EFEMP1: variants seen among roughly 807,000 people sequenced by gnomAD.
EFEMP1 encodes EGF-like fibulin extracellular matrix protein 1.
In EFEMP1, 18 loss-of-function variants were observed where a neutral mutation model predicts 65.7. That is an observed-to-expected ratio of 0.27 (90% CI 0.19 to 0.41). The LOEUF (loss-of-function observed/expected upper bound fraction) is 0.41, where lower values mean the gene tolerates loss of function less well. Among genes scored for constraint, EFEMP1 ranks in the 10% least tolerant of loss-of-function variants. EFEMP1 has a pLI of 1.00. For synonymous variants in EFEMP1, 237 were observed against 219.7 expected (o/e 1.08, Z -0.70); for missense variants, 469 against 624.8 (o/e 0.75, Z 2.66).
intron 5 of EFEMP1, among the ~76,000 whole-genome samples, chr2:55,892,231 A>G (rs1669652390): frequency 6.6e-6 from 1 of 152,184 alleles, no homozygotes; most frequent in Non-Finnish European, 1.5e-5. Flanking sequence ...GGGGACAGAA[A>G]TAAGTTTCTC....
chr2:55,876,798 A>G, intron 7 of EFEMP1, 56 bp from the exon 8 acceptor site: 1 of 1,074,138 alleles, frequency 9.3e-7, no homozygotes, highest in Non-Finnish European at 1.3e-6. Flanking sequence ...ACACACACAT[A>G]TATATATAGA....
Position 55,922,083 on chromosome 2 carries a change from C to A in EFEMP1, c.81+277G>T, listed in dbSNP as rs981939894. The A allele has an allele frequency of 7.4e-6, 3 of 407,284 alleles. No individual in the cohort carries two copies. Among genetic ancestry groups the A allele is most frequent in the Non-Finnish European group, 1.4e-5 (3 of 215,138 alleles). 25.2% of individuals were successfully genotyped at this position (407,284 alleles called of 1,614,324 possible). A position where few individuals can be genotyped will look rare whatever the true frequency, so the allele number is the denominator to read the frequency against. On this transcript the variant is annotated intron_variant, in intron 3 of 11. Transcript: ENST00000355426. The surrounding 1 kb of genome is among the most constrained non-coding windows in gnomAD (Gnocchi z 5.5). ...TGTTGAATGTTTTGGAAACATGTAA[C>A]TTTCTTTGGTTTTAGTTTTTGAACG...
At chr2:55,868,090 T>C (rs1668655674) in intron 11 of EFEMP1, among the ~76,000 whole-genome samples, 1 of 152,198 alleles carries the variant, frequency 6.6e-6, no homozygotes, top group Non-Finnish European at 1.5e-5. Flanking sequence ...AACATCTTTC[T>C]GATCACTTGT....
intron 5 of EFEMP1, among the ~76,000 whole-genome samples, chr2:55,904,973 TTTTTTCTTTTTC>T (rs1266359494): frequency 0.1 from 3,752 of 35,940 alleles, 280 homozygotes; most frequent in South Asian, 0.31. Context: ...TGGCTTTTTT[TTTTTTCTTTTTC>T]TTTTTTTTTT....
At chr2:55,902,404 T>A (rs1032326920) in intron 5 of EFEMP1, among the ~76,000 whole-genome samples, 2 of 152,192 alleles carry the variant, frequency 1.3e-5, no homozygotes, top group Admixed American at 6.5e-5. Context: ...AATTCAAGAA[T>A]CAAGAACATA....
chr2:55,876,696 G>C lies in EFEMP1; in HGVS notation c.807C>G (p.Tyr269Ter), dbSNP rs138120227. 1 of 1,612,056 alleles carries C rather than the reference G, an allele frequency of 6.2e-7. No homozygotes were observed. The highest frequency in any genetic ancestry group is 2.2e-5 in the East Asian group (1 of 44,824). The change falls in exon 8 of 12, where the codon TAC (tyrosine) becomes TAG (stop). Residue 269 changes from tyrosine (Y) to a stop codon, truncating the protein, a stop_gained. Transcript: ENST00000355426. LOFTEE classifies it high-confidence loss of function. ...DASNQCAQQC[Y>*]NILGSFICQC... The stretch of plus-strand genomic sequence containing the variant: ...GACAGATGAATGAACCAAGAATGTT[G>C]TAGCACTGCTGAGCACATTGATTGC...
At chr2:55,875,173 A>G (rs1668979963) in intron 8 of EFEMP1, 108 bp from the exon 9 acceptor site, 1 of 466,964 alleles carries the variant, frequency 2.1e-6, no homozygotes, top group South Asian at 6.4e-5. Context: ...TATAAGATTT[A>G]AAATATCTAT....
At chr2:55,903,323 T>G (rs1670116141) in intron 5 of EFEMP1, among the ~76,000 whole-genome samples, 2 of 152,228 alleles carry the variant, frequency 1.3e-5, no homozygotes, top group Non-Finnish European at 2.9e-5. Context: ...GAAAAATGTA[T>G]TTTTGAAAAG....
intron 5 of EFEMP1, among the ~76,000 whole-genome samples, chr2:55,909,444 A>G (rs973523099): frequency 6.6e-6 from 1 of 152,126 alleles, no homozygotes; most frequent in African/African-American, 2.4e-5. Flanking sequence ...TAGCATTCCA[A>G]TCAGAAACAC....
chr2:55,918,226 T>C lies in EFEMP1; in HGVS notation c.123A>G (p.Gln41=). The change falls in exon 4 of 12, where the codon CAA becomes CAG. Residue 41 remains glutamine, a synonymous_variant. Transcript: ENST00000355426. ...DGYEWDPVRQ[Q]CKDIDECDIV... The stretch of plus-strand genomic sequence containing the variant: ...TCTTTGAAGCTGGCTCACCTTTGCA[T>C]TGCTGTCTCACAGGATCCCACTCAT... 1 of 1,614,160 alleles carries C rather than the reference T, an allele frequency of 6.2e-7. No individual in the cohort carries two copies. The highest frequency in any genetic ancestry group is 8.5e-7 in the Non-Finnish European group (1 of 1,180,020).
chr2:55,893,573 G>A (rs1291371405), intron 5 of EFEMP1, among the ~76,000 whole-genome samples: 1 of 152,122 alleles, frequency 6.6e-6, no homozygotes, highest in African/African-American at 2.4e-5. Flanking sequence ...TGAAGTCGGG[G>A]AATGTTCAGT....
chr2:55,876,845 T>C (rs1047197958), intron 7 of EFEMP1, 103 bp from the exon 8 acceptor site: 3 of 631,522 alleles, frequency 4.8e-6, no homozygotes, highest in Admixed American at 3.9e-5. Context: ...ACCTACGTCA[T>C]CTGCTGACAA....
rs1184672830 is a variant in EFEMP1 at position 55,870,826 on chromosome 2, G to A, written c.1214C>T (p.Ser405Phe). Residue 405 changes from serine (S) to phenylalanine (F), a missense_variant, in exon 11 of 12, where the codon TCT becomes TTT. Physicochemically the swap from Ser to Phe is radical, Grantham distance 155. Transcript: ENST00000355426. The surrounding 1 kb of genome is among the most constrained non-coding windows in gnomAD (Gnocchi z 5.8). ...YKYMSIRSDRSVPSDIFQIQA... is the reference protein window; with the variant it reads ...YKYMSIRSDRFVPSDIFQIQA... Reference sequence around the variant, plus strand: ...TATCTGGAAGATGTCTGATGGCACAGACCTATCAGATCGGATGCTCATGTA... The same window carrying A: ...TATCTGGAAGATGTCTGATGGCACAAACCTATCAGATCGGATGCTCATGTA... 6.2e-7 allele frequency: 1 copy of A among 1,613,832 alleles called. No homozygotes were observed. The highest frequency in any genetic ancestry group is 8.5e-7 in the Non-Finnish European group (1 of 1,179,838).
chr2:55,878,458 G>A (rs1253057140), intron 6 of EFEMP1, among the ~76,000 whole-genome samples: 1 of 152,112 alleles, frequency 6.6e-6, no homozygotes, highest in African/African-American at 2.4e-5. Flanking sequence ...GTTCCAGCCT[G>A]TGTCCTTCTC....
intron 5 of EFEMP1, among the ~76,000 whole-genome samples, chr2:55,906,338 C>T (rs1285561354): frequency 6.6e-6 from 1 of 151,964 alleles, no homozygotes. Context: ...ATTCTCCTGC[C>T]TCAGCCTCCC....
In EFEMP1 at chr2:55,883,051, G is replaced by A. The variant is rs1338158856; in HGVS notation, c.518-1317C>T. On this transcript the variant is annotated intron_variant, in intron 5 of 11. Coordinates refer to ENST00000355426, the MANE Select transcript of EFEMP1 (RefSeq NM_001039348.3). The surrounding 1 kb of genome is among the most constrained non-coding windows in gnomAD (Gnocchi z 4.5). ...AATATATGAAGTTGAGATTGTAAAA[G>A]GGTTGTCCTCAGAAATCAGCTTCAC... Among the ~76,000 whole-genome samples the A allele has an allele frequency of 6.6e-6, 1 of 152,140 alleles. No homozygotes were observed. The highest frequency in any genetic ancestry group is 1.5e-5 in the Non-Finnish European group (1 of 68,028).
intron 5 of EFEMP1, among the ~76,000 whole-genome samples, chr2:55,903,348 T>C (rs1165025832): frequency 6.6e-6 from 1 of 152,194 alleles, no homozygotes; most frequent in Non-Finnish European, 1.5e-5. Context: ...CACATGCAAA[T>C]TTGACTCTAT....
In EFEMP1 at chr2:55,922,843, G is replaced by C; in HGVS notation, c.-8+56C>G. The stretch of plus-strand genomic sequence containing the variant: ...CCAGTCCCACACCCCGGGGGATGGA[G>C]GTGGGGCTGCAAAACTCTGTTCTCT... On this transcript the variant is annotated intron_variant, in intron 2 of 11. Transcript: ENST00000355426. The surrounding 1 kb of genome is among the most constrained non-coding windows in gnomAD (Gnocchi z 5.5). 1 of 1,143,628 alleles carries C rather than the reference G, an allele frequency of 8.7e-7. No homozygotes were observed. Among genetic ancestry groups the C allele is most frequent in the Non-Finnish European group, 1.1e-6 (1 of 911,270 alleles). 70.8% of individuals were successfully genotyped at this position (1,143,628 alleles called of 1,614,324 possible). A position where few individuals can be genotyped will look rare whatever the true frequency, so the allele number is the denominator to read the frequency against.
At chr2:55,901,803 T>C (rs150083261) in intron 5 of EFEMP1, among the ~76,000 whole-genome samples, 1,723 of 152,352 alleles carry the variant, frequency 0.011, 20 homozygotes, top group Middle Eastern at 0.027. Context: ...TTGCCACTTC[T>C]ATGATTAGGT....
Sources: allele counts gnomAD v4.1 joint callset (sites outside exome capture counted in the v4.1 genomes callset), GRCh38; gene constraint gnomAD v4.1.1; non-coding constraint Gnocchi (gnomAD v3.1); transcripts MANE v1.5; gene names NCBI Gene and HGNC (gene_info 2026-07-23, HGNC 2026-07-21).